The following WWP1 variants were observed in gnomAD, a reference collection of about 807,000 sequenced individuals.
The protein encoded by WWP1 is WW domain containing E3 ubiquitin protein ligase 1.
Under a neutral mutation model 130.6 loss-of-function variants are expected in WWP1, and 49 were observed. The ratio of observed to expected loss-of-function variants is 0.38; its 90% confidence interval spans 0.30 to 0.48. The LOEUF (loss-of-function observed/expected upper bound fraction) is 0.48, where lower values mean the gene tolerates loss of function less well. WWP1 is among the 20% of genes least tolerant of loss of function. The pLI is 0.99. For synonymous variants in WWP1, 332 were observed against 367.8 expected (o/e 0.90, Z 1.11); for missense variants, 809 against 1,100.6 (o/e 0.74, Z 3.75).
At chr8:86,443,217 C>T (rs528757148) in intron 18 of WWP1, among the ~76,000 whole-genome samples, 2 of 151,992 alleles carry the variant, frequency 1.3e-5, no homozygotes, top group African/African-American at 2.4e-5. Flanking sequence ...AGACTACAGG[C>T]TCACACCACC....
intron 14 of WWP1, among the ~76,000 whole-genome samples, chr8:86,432,550 C>CAAAA (rs72136808): frequency 1.2e-4 from 17 of 145,314 alleles, no homozygotes; most frequent in South Asian, 6.5e-4. Context: ...AAAAAAAAAG[C>CAAAA]AAAAAAAAAA....
chr8:86,422,517 A>G (rs982930667), intron 9 of WWP1, among the ~76,000 whole-genome samples: 1 of 151,340 alleles, frequency 6.6e-6, no homozygotes, highest in African/African-American at 2.4e-5. Context: ...GTGTGCCACC[A>G]TGGCTGGCTA....
At position 86,392,686 on chromosome 8, in the gene WWP1, A is replaced by G. The variant is rs578061371; in HGVS notation, c.335-5656A>G. Among the ~76,000 whole-genome samples, 5 of 152,322 alleles carry G rather than the reference A, an allele frequency of 3.3e-5. No homozygotes were observed. The South Asian group carries it at 6.2e-4, about 19-fold the overall frequency. On this transcript the variant is annotated intron_variant, in intron 5 of 24. Transcript: ENST00000517970. The stretch of plus-strand genomic sequence containing the variant: ...TTTTATAATTCTCTTTAGCCTTATT[A>G]ACTGAGTGAATTTGCTTATTTAGTT...
In WWP1 at chr8:86,362,039, T is replaced by C. The variant is rs577403432; in HGVS notation, c.-114-6900T>C. Among the ~76,000 whole-genome samples the C allele has an allele frequency of 7.2e-3, 905 of 125,474 alleles. 8 individuals carry two copies. The highest frequency in any genetic ancestry group is 0.028 in the African/African-American group (871 of 31,364). The allele number at this position is 125,474 out of a possible 152,430, so 82.3% of individuals were successfully genotyped here. On this transcript the variant is annotated intron_variant, in intron 1 of 24. Coordinates refer to ENST00000517970, the MANE Select transcript of WWP1 (RefSeq NM_007013.4). The stretch of plus-strand genomic sequence containing the variant: ...ATATACACATATATATACACACACA[T>C]ATATATACACACATATATACACACA...
intron 5 of WWP1, among the ~76,000 whole-genome samples, chr8:86,386,331 G>T (rs187223266): frequency 2.6e-5 from 4 of 152,168 alleles, no homozygotes; most frequent in Admixed American, 6.5e-5. Context: ...ATCTCTTGAG[G>T]CCCAGAGTTC....
intron 21 of WWP1, among the ~76,000 whole-genome samples, chr8:86,453,533 C>T (rs898469991): frequency 2.6e-5 from 4 of 152,032 alleles, no homozygotes; most frequent in South Asian, 2.1e-4. Flanking sequence ...TTTGAGATCC[C>T]GTTTCTTTTG....
chr8:86,423,206 T>TTTTA (rs921166227), intron 9 of WWP1, among the ~76,000 whole-genome samples: 7 of 151,844 alleles, frequency 4.6e-5, no homozygotes, highest in Admixed American at 1.3e-4. Context: ...TAATTTTTAT[T>TTTTA]TTTATTTATT....
chr8:86,424,078 A>G (rs1191566090), intron 9 of WWP1, among the ~76,000 whole-genome samples: 2 of 146,540 alleles, frequency 1.4e-5, no homozygotes, highest in African/African-American at 5.2e-5. Context: ...GGGGCTCCTC[A>G]CTTCTCAGAT....
intron 1 of WWP1, among the ~76,000 whole-genome samples, chr8:86,351,817 G>A (rs575610142): frequency 5.3e-5 from 8 of 152,254 alleles, no homozygotes; most frequent in African/African-American, 1.7e-4. Context: ...TTATATAACA[G>A]TCGTCTGGGA....
intron 5 of WWP1, among the ~76,000 whole-genome samples, chr8:86,389,869 C>A (rs955205383): frequency 9.3e-5 from 14 of 151,268 alleles, no homozygotes; most frequent in Admixed American, 7.2e-4. Context: ...GGCGGCTGGC[C>A]GGGCGGGGGC....
At chr8:86,412,343 A>G (rs933053008) in intron 9 of WWP1, among the ~76,000 whole-genome samples, 4 of 152,206 alleles carry the variant, frequency 2.6e-5, no homozygotes, top group Non-Finnish European at 5.9e-5. Context: ...CTGGTTAGTA[A>G]TTCTTAATCT....
intron 2 of WWP1, among the ~76,000 whole-genome samples, chr8:86,373,165 T>A (rs1320708436): frequency 6.6e-6 from 1 of 151,964 alleles, no homozygotes; most frequent in African/African-American, 2.4e-5. Flanking sequence ...TTCAAATTTA[T>A]CTTTTGTTAC....
rs1808591682 is a variant in WWP1, at chr8:86,411,630, T to G, written c.817T>G (p.Cys273Gly). ...TGAAGAAAATGCCTTGTCTCCAAAT[T>G]GCACTAGTACTACTGTTGAAGATCC... ...VSEENALSPN[C>G]TSTTVEDPPV... is the part of the protein sequence containing the mutation. Residue 273 changes from cysteine (C) to glycine (G), a missense_variant, in exon 9 of 25, where the codon TGC (cysteine) becomes GGC (glycine). Transcript: ENST00000517970. 1.9e-6 allele frequency: 3 copies of G among 1,614,176 alleles called. No individual in the cohort carries two copies. The highest frequency in any genetic ancestry group is 1.7e-6 in the Non-Finnish European group (2 of 1,180,016).
chr8:86,402,190 T>G lies in WWP1; in HGVS notation c.711T>G (p.Pro237=). 4 of 1,613,340 alleles carry G rather than the reference T, an allele frequency of 2.5e-6. No homozygotes were observed. The highest frequency in any genetic ancestry group is 2.5e-6 in the Non-Finnish European group (3 of 1,179,750). Residue 237 remains proline, a synonymous_variant, in exon 8 of 25, where the codon CCT becomes CCG. Transcript: ENST00000517970. ...CTCCAAAACCACTCGCATCTGAGCC[T>G]GCCGATGACACTGGTAAGCAAGGCT... ...TPAPKPLASE[P]ADDTVNGESS...
Position 86,461,219 on chromosome 8 carries a change from T to G in WWP1, c.2500-5T>G. ...CATATTAAAGTACATTTAATTTCAT[T>G]ACAGTTTGTGAAAGAGACAGACAAT... On this transcript the variant is annotated splice_polypyrimidine_tract_variant and splice_region_variant and intron_variant, in intron 22 of 24. Transcript: ENST00000517970. The G allele has an allele frequency of 6.2e-7, 1 of 1,612,468 alleles. No homozygotes were observed. The highest frequency in any genetic ancestry group is 8.5e-7 in the Non-Finnish European group (1 of 1,178,690).
chr8:86,435,012 C>G (rs1314662414), intron 14 of WWP1, among the ~76,000 whole-genome samples: 1 of 152,166 alleles, frequency 6.6e-6, no homozygotes, highest in African/African-American at 2.4e-5. Context: ...ATCTGGATGA[C>G]AATGTTGTTT....
chr8:86,465,955 G>T (rs1271153741), intron 24 of WWP1, among the ~76,000 whole-genome samples: 2 of 152,110 alleles, frequency 1.3e-5, no homozygotes, highest in African/African-American at 4.8e-5. Flanking sequence ...AGGGCACATG[G>T]AAAGTGGTGA....
chr8:86,442,599 C>A lies in WWP1; in HGVS notation c.1839-20C>A. ...TCACATATTAATGCTAAAAAATAAC[C>A]TTGACTTATTTTCTTATAGAGAATG... On this transcript the variant is annotated intron_variant, in intron 17 of 24. Coordinates refer to ENST00000517970, the MANE Select transcript of WWP1 (RefSeq NM_007013.4). The A allele has an allele frequency of 6.4e-7, 1 of 1,567,558 alleles. No homozygotes were observed.
chr8:86,350,845 A>G (rs10956803), intron 1 of WWP1, among the ~76,000 whole-genome samples: 47,982 of 152,118 alleles, frequency 0.32, 9,179 homozygotes, highest in Middle Eastern at 0.45. Flanking sequence ...ATTAGCCCCA[A>G]CTTGCCAAGA....
Sources: allele counts gnomAD v4.1 joint callset (sites outside exome capture counted in the v4.1 genomes callset), GRCh38; gene constraint gnomAD v4.1.1; transcripts MANE v1.5; gene names NCBI Gene and HGNC (gene_info 2026-07-23, HGNC 2026-07-21).